CRYBG3: variants seen among roughly 807,000 people sequenced by gnomAD.
CRYBG3 encodes crystallin beta-gamma domain containing 3.
CRYBG3 carries 127 observed loss-of-function variants against 244.2 expected under a neutral mutation model. The ratio of observed to expected loss-of-function variants is 0.52; its 90% CI spans 0.45 to 0.60. The LOEUF (loss-of-function observed/expected upper bound fraction) is 0.60. Among genes scored for constraint, CRYBG3 ranks in the 20% least tolerant of loss-of-function variants. CRYBG3 has a pLI of 0.00. For synonymous variants in CRYBG3, 1,132 were observed against 1,195.8 expected (o/e 0.95, Z 1.10); for missense variants, 3,325 against 3,442.5 (o/e 0.97, Z 0.85).
In CRYBG3 at chr3:97,911,690, CTTATA is replaced by C. The variant is rs1273758306; in HGVS notation, c.8005-473_8005-469del. Among the ~76,000 whole-genome samples the C allele has an allele frequency of 1.3e-5, 2 of 152,236 alleles. 1 individual carries two copies. The highest frequency in any genetic ancestry group is 2.9e-5 in the Non-Finnish European group (2 of 68,040). On this transcript the variant is annotated intron_variant, in intron 15 of 21. Coordinates refer to ENST00000389622, the MANE Select transcript of CRYBG3 (RefSeq NM_153605.4). ...GGGCATGTGCTCGTGCTCTCCTCTT[CTTATA>C]TTAACTGTGGATCAGGAAGAGCTAG... is the stretch of plus-strand genomic sequence containing the variant.
intron 15 of CRYBG3, among the ~76,000 whole-genome samples, chr3:97,904,272 A>C (rs1268167091): frequency 6.6e-6 from 1 of 152,196 alleles, no homozygotes; most frequent in Non-Finnish European, 1.5e-5. Flanking sequence ...TTTTTGTAGA[A>C]TTGGTCTAAT....
intron 17 of CRYBG3, among the ~76,000 whole-genome samples, chr3:97,930,840 C>T (rs940512476): frequency 2.0e-5 from 3 of 152,054 alleles, no homozygotes; most frequent in African/African-American, 4.8e-5. Context: ...GGCCACATAA[C>T]GTAAAGAGAA....
Position 97,942,563 on chromosome 3 carries a change from T to C in CRYBG3, c.8824+120T>C, listed in dbSNP as rs142628310. 286 of 971,988 alleles carry C rather than the reference T, an allele frequency of 2.9e-4. 2 individuals are homozygous for C. The African/African-American group carries it at 4.0e-3, about 14-fold the overall frequency. The allele number at this position is 971,988 out of a possible 1,614,324, so 60.2% of individuals were successfully genotyped here. A position where few individuals can be genotyped will look rare whatever the true frequency, so the allele number is the denominator to read the frequency against. ...AGAAATGTTAAGTCATTTAAAATTA[T>C]GCTTGAAGAAAATTAAGATAGGCAG... On this transcript the variant is annotated intron_variant, in intron 21 of 21. Coordinates refer to ENST00000389622, the MANE Select transcript of CRYBG3 (RefSeq NM_153605.4).
intron 2 of CRYBG3, among the ~76,000 whole-genome samples, chr3:97,845,584 A>G (rs1455049089): frequency 1.3e-5 from 2 of 152,178 alleles, no homozygotes; most frequent in Non-Finnish European, 1.5e-5. Context: ...CTTCATTCAC[A>G]TCTACTTTGT....
intron 1 of CRYBG3, among the ~76,000 whole-genome samples, chr3:97,834,539 A>T (rs188334588): frequency 6.6e-6 from 1 of 152,132 alleles, no homozygotes; most frequent in Admixed American, 6.6e-5. Context: ...TTTGAATTTG[A>T]TGTTTTAATA....
intron 11 of CRYBG3, among the ~76,000 whole-genome samples, chr3:97,893,886 T>C (rs1052896874): frequency 1.3e-5 from 2 of 152,214 alleles, no homozygotes; most frequent in Non-Finnish European, 2.9e-5. Context: ...AACTAGACTT[T>C]GCAGTTTCCG....
intron 16 of CRYBG3, among the ~76,000 whole-genome samples, chr3:97,915,324 C>T (rs2039915515): frequency 6.6e-6 from 1 of 152,052 alleles, no homozygotes; most frequent in South Asian, 2.1e-4. Context: ...CTTTCTAATC[C>T]TTACTTTTGC....
chr3:97,941,440 G>T (rs2040229425), intron 20 of CRYBG3, 134 bp downstream of exon 20: 5 of 561,872 alleles, frequency 8.9e-6, no homozygotes, highest in South Asian at 7.7e-5. Flanking sequence ...TAAAAATACT[G>T]CCATATATTA....
intron 15 of CRYBG3, among the ~76,000 whole-genome samples, chr3:97,904,630 C>T (rs1179968878): frequency 1.3e-5 from 2 of 151,956 alleles, no homozygotes; most frequent in Admixed American, 6.6e-5. Flanking sequence ...GTGAACAAGA[C>T]AACCTGTCTC....
At chr3:97,915,500 C>A in intron 16 of CRYBG3, 110 bp from the exon 17 acceptor site, 1 of 1,123,974 alleles carries the variant, frequency 8.9e-7, no homozygotes, top group Non-Finnish European at 1.2e-6. Context: ...TGGTGGTGCT[C>A]TGCACCACTT....
At chr3:97,865,372 A>G (rs1211505432) in intron 3 of CRYBG3, among the ~76,000 whole-genome samples, 4 of 152,336 alleles carry the variant, frequency 2.6e-5, no homozygotes, top group Admixed American at 2.6e-4. Flanking sequence ...CAAAAATATT[A>G]TAGTGAGATA....
intron 3 of CRYBG3, among the ~76,000 whole-genome samples, chr3:97,871,113 T>C: frequency 6.6e-6 from 1 of 152,166 alleles, no homozygotes; most frequent in East Asian, 1.9e-4. Flanking sequence ...TGGTAGATTC[T>C]CCAAAGGAAA....
chr3:97,836,759 GGCCCAGAGCGA>G (rs1479928486), intron 1 of CRYBG3, among the ~76,000 whole-genome samples: 1 of 152,100 alleles, frequency 6.6e-6, no homozygotes, highest in Non-Finnish European at 1.5e-5. Flanking sequence ...ATAGAGGGCA[GGCCCAGAGCGA>G]GCCTCAGTAA....
In CRYBG3 at chr3:97,874,570, C is replaced by T. The variant is rs1454638223; in HGVS notation, c.3376C>T (p.Gln1126Ter). Residue 1126 changes from glutamine (Q) to a stop codon, truncating the protein, a stop_gained, in exon 4 of 22, where the codon CAG becomes TAG. Coordinates refer to ENST00000389622, the MANE Select transcript of CRYBG3 (RefSeq NM_153605.4). LOFTEE classifies it high-confidence loss of function. ...AATTGGGACAGAAGTAACCCCATTT[C>T]AGGAACATTTTGGGATTTATACTGG... The part of the protein sequence containing the change: ...VSIGTEVTPF[Q>*]EHFGIYTGKI... 5.9e-6 allele frequency: 9 copies of T among 1,535,780 alleles called. No homozygotes were observed. The highest frequency in any genetic ancestry group is 7.8e-6 in the Non-Finnish European group (9 of 1,146,808).
intron 19 of CRYBG3, 45 bp from the exon 20 acceptor site, chr3:97,941,093 GATTCATTTCC>G: frequency 6.9e-7 from 1 of 1,455,556 alleles, no homozygotes; most frequent in South Asian, 1.3e-5. Context: ...CCTCTGGAAG[GATTCATTTCC>G]AGATTCAAAA....
At chr3:97,845,919 A>T (rs2038894119) in intron 2 of CRYBG3, among the ~76,000 whole-genome samples, 1 of 152,122 alleles carries the variant, frequency 6.6e-6, no homozygotes, top group African/African-American at 2.4e-5. Flanking sequence ...AAAATTCCTT[A>T]TGAAAGTCTG....
At chr3:97,856,665 G>C (rs2039069831) in intron 2 of CRYBG3, among the ~76,000 whole-genome samples, 1 of 152,116 alleles carries the variant, frequency 6.6e-6, no homozygotes, top group Non-Finnish European at 1.5e-5. Flanking sequence ...ATCCAGGAAT[G>C]TATTCATTTC....
intron 2 of CRYBG3, among the ~76,000 whole-genome samples, chr3:97,862,430 A>G (rs1474184146): frequency 6.6e-6 from 1 of 152,198 alleles, no homozygotes; most frequent in Non-Finnish European, 1.5e-5. Flanking sequence ...ACATAGGATG[A>G]GCAGCCACTT....
intron 8 of CRYBG3, among the ~76,000 whole-genome samples, chr3:97,887,805 A>G (rs1321709614): frequency 6.6e-6 from 1 of 152,136 alleles, no homozygotes; most frequent in Non-Finnish European, 1.5e-5. Flanking sequence ...GGGGTAGGCC[A>G]GTAATTGGCT....
Sources: allele counts gnomAD v4.1 joint callset (sites outside exome capture counted in the v4.1 genomes callset), GRCh38; gene constraint gnomAD v4.1.1; transcripts MANE v1.5; gene names NCBI Gene and HGNC (gene_info 2026-07-23, HGNC 2026-07-21).